The following COL14A1 variants were observed in gnomAD, a reference collection of about 807,000 sequenced individuals.
COL14A1 encodes the protein collagen type XIV alpha 1 chain, also known as collagen alpha-1(XIV) chain.
COL14A1 carries 136 observed loss-of-function variants against 230.3 expected under a neutral mutation model. The ratio of observed to expected loss-of-function variants is 0.59; its 90% confidence interval spans 0.51 to 0.68. The LOEUF (loss-of-function observed/expected upper bound fraction) is 0.68. COL14A1 is among the 30% of genes least tolerant of loss of function. The pLI is 0.00. For missense variants in COL14A1, 1,976 were observed against 2,215.8 expected (o/e 0.89, Z 2.17); for synonymous variants, 792 against 784.1 (o/e 1.01, Z -0.17).
chr8:120,269,709 A>G (rs896180927), intron 25 of COL14A1, among the ~76,000 whole-genome samples: 2 of 151,604 alleles, frequency 1.3e-5, no homozygotes, highest in Non-Finnish European at 3.0e-5. Context: ...TGATACTTCG[A>G]TCTCTGAATC....
intron 45 of COL14A1, among the ~76,000 whole-genome samples, chr8:120,361,074 T>G (rs1208949272): frequency 6.6e-6 from 1 of 151,880 alleles, no homozygotes; most frequent in Non-Finnish European, 1.5e-5. Flanking sequence ...TTTTTTTTTC[T>G]CATTGTCTCT....
At chr8:120,364,149 C>T (rs1159821515) in intron 45 of COL14A1, among the ~76,000 whole-genome samples, 2 of 151,908 alleles carry the variant, frequency 1.3e-5, no homozygotes, top group Non-Finnish European at 2.9e-5. Flanking sequence ...CACTGGTGAC[C>T]CCATCTCAGC....
intron 47 of COL14A1, chr8:120,370,729 C>A (rs1307021924): frequency 1.4e-6 from 2 of 1,397,826 alleles, no homozygotes; most frequent in South Asian, 2.4e-5. Context: ...CTTCCTCTCC[C>A]CACACAGGAT....
chr8:120,336,926 C>A (rs1822095641), intron 42 of COL14A1, among the ~76,000 whole-genome samples: 1 of 152,162 alleles, frequency 6.6e-6, no homozygotes, highest in Admixed American at 6.5e-5. Flanking sequence ...CTGTGTAAAG[C>A]CACCTGTCCC....
At chr8:120,370,744 G>A (rs1823558197) in intron 47 of COL14A1, 1 of 1,387,234 alleles carries the variant, frequency 7.2e-7, no homozygotes, top group South Asian at 1.2e-5. Flanking sequence ...CAGGATGGAT[G>A]GGCATCTTTC....
intron 1 of COL14A1, among the ~76,000 whole-genome samples, chr8:120,132,983 C>G (rs1372417439): frequency 6.6e-6 from 1 of 152,030 alleles, no homozygotes; most frequent in Admixed American, 6.6e-5. Flanking sequence ...TTTGGGAGGC[C>G]GAGACGGGCG....
At chr8:120,213,419 A>C (rs768135545) in intron 13 of COL14A1, among the ~76,000 whole-genome samples, 1 of 152,310 alleles carries the variant, frequency 6.6e-6, no homozygotes, top group Non-Finnish European at 1.5e-5. Flanking sequence ...TTTCTCATTA[A>C]GATTCCATTT....
chr8:120,186,493 T>C (rs1161102439), intron 5 of COL14A1, among the ~76,000 whole-genome samples: 1 of 152,220 alleles, frequency 6.6e-6, no homozygotes, highest in Admixed American at 6.5e-5. Flanking sequence ...AGACCAGTTG[T>C]GGTGAAATCA....
At chr8:120,313,639 G>A (rs1003693178) in intron 37 of COL14A1, among the ~76,000 whole-genome samples, 1 of 152,186 alleles carries the variant, frequency 6.6e-6, no homozygotes, top group African/African-American at 2.4e-5. Context: ...ATGGAGTGTG[G>A]GGGGTCTCAT....
intron 36 of COL14A1, among the ~76,000 whole-genome samples, chr8:120,305,399 TAAAG>T (rs1033431824): frequency 7.9e-5 from 12 of 152,080 alleles, no homozygotes; most frequent in Admixed American, 2.0e-4. Flanking sequence ...TAATTTAAAA[TAAAG>T]AAAAATGATA....
rs141880697 is a variant in COL14A1, at chr8:120,209,872, A to G, written c.1438A>G (p.Thr480Ala). Residue 480 changes from threonine (T) to alanine (A), a missense_variant, in exon 12 of 48, where the codon ACA (threonine) becomes GCA (alanine). Thr to Ala is a moderately conservative substitution (Grantham distance 58). Around this residue, in one of 3 missense-constraint regions of COL14A1, gnomAD observed 1,791 missense variants for 2,019.5 expected, o/e 0.89. Transcript: ENST00000297848. ...TTACCTGATCCTTTATGCTCCTCTA[A>G]CAGAGGGCCTGGCTGGGGATGAAAA... Reference protein sequence around the residue: ...SGYLILYAPLTEGLAGDEKEM... With the variant: ...SGYLILYAPLAEGLAGDEKEM... 1 of 1,611,264 alleles carries G rather than the reference A, an allele frequency of 6.2e-7. No homozygotes were observed. The highest frequency in any genetic ancestry group is 8.5e-7 in the Non-Finnish European group (1 of 1,178,898).
rs774806819 is a variant in COL14A1, at chr8:120,207,004, A to C, written c.1101A>C (p.Arg367Ser). Residue 367 changes from arginine (R) to serine (S), a missense_variant, in exon 10 of 48, where the codon AGA becomes AGC. Arg to Ser is a moderately radical substitution (Grantham distance 110, BLOSUM62 -1). Around this residue, in one of 3 missense-constraint regions of COL14A1, gnomAD observed 1,791 missense variants for 2,019.5 expected, o/e 0.89. Transcript: ENST00000297848. ...TELITSEVTA[R>S]SFMVNWTHAP... ...TGATTACTTCTGAAGTCACTGCCAG[A>C]AGCTTTATGGTTAACTGGACTCATG... 1.2e-6 allele frequency: 2 copies of C among 1,613,904 alleles called. No individual in the cohort carries two copies. The highest frequency in any genetic ancestry group is 1.7e-6 in the Non-Finnish European group (2 of 1,179,912).
chr8:120,260,745 G>T (rs1259355698), intron 23 of COL14A1, among the ~76,000 whole-genome samples: 8 of 152,168 alleles, frequency 5.3e-5, no homozygotes, highest in Admixed American at 5.2e-4. Flanking sequence ...GAAAACACTT[G>T]AAACTCTTCA....
chr8:120,226,540 G>T, intron 15 of COL14A1, 87 bp from the exon 16 acceptor site: 1 of 1,387,046 alleles, frequency 7.2e-7, no homozygotes, highest in Non-Finnish European at 9.9e-7. Context: ...ATTCCTCAAA[G>T]AGTCTTCTAC....
intron 20 of COL14A1, among the ~76,000 whole-genome samples, chr8:120,246,691 T>C (rs2129645703): frequency 6.6e-6 from 1 of 152,320 alleles, no homozygotes; most frequent in East Asian, 1.9e-4. Flanking sequence ...TATTTTGAAG[T>C]GTTAGTGGAT....
At chr8:120,206,870 C>T (rs1817450226) in intron 9 of COL14A1, 73 bp from the exon 10 acceptor site, 1 of 1,365,412 alleles carries the variant, frequency 7.3e-7, no homozygotes, top group South Asian at 1.5e-5. Flanking sequence ...TTATTTCTGT[C>T]TAATGAGATG....
At position 120,311,419 on chromosome 8, in the gene COL14A1, C is replaced by T. The variant is rs369256543; in HGVS notation, c.4455+1357C>T. On this transcript the variant is annotated intron_variant, in intron 37 of 47. Transcript: ENST00000297848. ...TTCTAATCATGAAGATAAATGAGTT[C>T]GTAGATGTTTGGTGATCCCAAGACC... is the stretch of plus-strand genomic sequence containing the variant. Among the ~76,000 whole-genome samples the T allele has an allele frequency of 4.3e-4, 65 of 152,198 alleles. No homozygotes were observed. The East Asian group carries it at 7.7e-3, about 18-fold the overall frequency.
chr8:120,199,588 G>C (rs2130719805), intron 8 of COL14A1, 22 bp downstream of exon 8: 2 of 1,600,708 alleles, frequency 1.2e-6, no homozygotes, highest in Non-Finnish European at 1.7e-6. Context: ...TTATAGTCTT[G>C]TTTCAACTAA....
Position 120,285,895 on chromosome 8 carries a change from C to T in COL14A1, c.4002C>T (p.Asp1334=), listed in dbSNP as rs930381779. 2 of 1,609,544 alleles carry T rather than the reference C, an allele frequency of 1.2e-6. No individual in the cohort carries two copies. The highest frequency in any genetic ancestry group is 1.7e-6 in the Non-Finnish European group (2 of 1,176,928). Residue 1334 remains aspartate, a synonymous_variant, in exon 33 of 48, where the codon GAC becomes GAT. Transcript: ENST00000297848. The part of the protein sequence containing the change: ...GGKTLTYFNY[D]QSGDFQTVTF... ...AAACTCTAACATATTTCAACTATGA[C>T]CAGAGTGGGGATTTTCAAACTGTTA...
Sources: gnomAD v4.1 joint callset for allele counts (sites outside exome capture counted in the v4.1 genomes callset) on GRCh38, gnomAD v4.1.1 for gene constraint, gnomAD v4.1.1 regional missense constraint, MANE v1.5 for transcripts, NCBI Gene and HGNC (gene_info 2026-07-23, HGNC 2026-07-21) for gene names.